The following CDH13 variants were observed in gnomAD, a reference collection of about 807,000 sequenced individuals.
CDH13 encodes the protein cadherin 13.
In CDH13, 24 loss-of-function variants were observed where a neutral mutation model predicts 63.8. The observed-to-expected ratio is 0.38, with a 90% CI of 0.27 to 0.53. CDH13 has a LOEUF of 0.53. CDH13 is among the 20% of genes least tolerant of loss of function. The pLI, the probability that CDH13 is intolerant of heterozygous loss-of-function variation, is 0.85. For synonymous variants in CDH13, 503 were observed against 355.3 expected, an observed-to-expected ratio of 1.42 and a Z score of -4.67; for missense variants, 1,049 against 903.1, an observed-to-expected ratio of 1.16 and a Z score of -2.07.
chr16:82,680,289 A>G (rs1914404078), intron 1 of CDH13, among the ~76,000 whole-genome samples: 1 of 152,172 alleles, frequency 6.6e-6, no homozygotes, highest in South Asian at 2.1e-4. Context: ...TGTTCTAAGT[A>G]CTTTCTGCAT....
chr16:83,600,147 G>T (rs1312300955), intron 7 of CDH13, among the ~76,000 whole-genome samples: 1 of 152,132 alleles, frequency 6.6e-6, no homozygotes, highest in Admixed American at 6.5e-5. Flanking sequence ...GGCAGAACCA[G>T]GGCAGATGGC....
chr16:82,668,587 G>C (rs1401947639), intron 1 of CDH13, among the ~76,000 whole-genome samples: 1 of 152,184 alleles, frequency 6.6e-6, no homozygotes, highest in Non-Finnish European at 1.5e-5. Context: ...GAGATGGTGT[G>C]AACAATGATA....
intron 2 of CDH13, chr16:82,859,799 G>C (rs894053672): frequency 2.0e-5 from 3 of 151,476 alleles, no homozygotes; most frequent in Admixed American, 1.3e-4. Context: ...TCTAAGAGTC[G>C]AAAGGAACAC....
chr16:83,422,093 A>G (rs992394487), intron 6 of CDH13, among the ~76,000 whole-genome samples: 1 of 152,188 alleles, frequency 6.6e-6, no homozygotes, highest in African/African-American at 2.4e-5. Flanking sequence ...AAGTTGGTAG[A>G]TTTTGTGGAT....
intron 4 of CDH13, among the ~76,000 whole-genome samples, chr16:83,160,338 A>C (rs2037393444): frequency 6.6e-6 from 1 of 152,114 alleles, no homozygotes; most frequent in Non-Finnish European, 1.5e-5. Context: ...TATAAACCTG[A>C]AACTGCTCTT....
intron 12 of CDH13, 121 bp downstream of exon 12, chr16:83,780,322 G>T: frequency 1.5e-6 from 1 of 648,114 alleles, no homozygotes; most frequent in Non-Finnish European, 2.6e-6. Context: ...TTAAGTTATT[G>T]GCATATTATA....
intron 8 of CDH13, among the ~76,000 whole-genome samples, chr16:83,654,384 T>A (rs937362149): frequency 6.6e-6 from 1 of 151,928 alleles, no homozygotes; most frequent in Non-Finnish European, 1.5e-5. Context: ...GCCCCTGAAT[T>A]TAACAGAGAA....
chr16:83,142,150 GTTTGTT>G (rs1365286506), intron 4 of CDH13, among the ~76,000 whole-genome samples: 2 of 133,084 alleles, frequency 1.5e-5, no homozygotes, highest in African/African-American at 5.7e-5. Flanking sequence ...ATTTTTGTTT[GTTTGTT>G]TTTGTTTTTT....
intron 3 of CDH13, among the ~76,000 whole-genome samples, chr16:83,033,113 G>A (rs561627294): frequency 6.6e-6 from 1 of 152,124 alleles, no homozygotes; most frequent in South Asian, 2.1e-4. Flanking sequence ...CATACATATG[G>A]TATATGTGCA....
intron 10 of CDH13, among the ~76,000 whole-genome samples, chr16:83,742,616 G>A (rs1912172725): frequency 6.6e-6 from 1 of 152,210 alleles, no homozygotes; most frequent in Admixed American, 6.5e-5. Context: ...TAGCGCGCCT[G>A]GCCGATTGGT....
At chr16:82,933,929 C>T (rs2151298868) in intron 2 of CDH13, among the ~76,000 whole-genome samples, 1 of 152,336 alleles carries the variant, frequency 6.6e-6, no homozygotes, top group Admixed American at 6.5e-5. Context: ...TTGCAGGGTA[C>T]AGCCCTCCTC....
At chr16:83,700,571 T>TA (rs1380408565) in intron 10 of CDH13, among the ~76,000 whole-genome samples, 1 of 152,220 alleles carries the variant, frequency 6.6e-6, no homozygotes, top group African/African-American at 2.4e-5. Flanking sequence ...GGTGAACTGC[T>TA]AAAAAGTTGC....
At chr16:83,545,496 A>G (rs1266674345) in intron 7 of CDH13, among the ~76,000 whole-genome samples, 1 of 152,202 alleles carries the variant, frequency 6.6e-6, no homozygotes, top group African/African-American at 2.4e-5. Context: ...CACTGTCCAG[A>G]GAGGGGAAAG....
intron 1 of CDH13, among the ~76,000 whole-genome samples, chr16:82,739,082 C>T (rs1375308574): frequency 6.6e-6 from 1 of 152,202 alleles, no homozygotes; most frequent in Non-Finnish European, 1.5e-5. Flanking sequence ...GAACTGTGCC[C>T]TGGTTATGAT....
chr16:83,388,876 C>T (rs906238275), intron 6 of CDH13, among the ~76,000 whole-genome samples: 2 of 152,112 alleles, frequency 1.3e-5, no homozygotes, highest in Admixed American at 6.5e-5. Flanking sequence ...CAGAATCTGC[C>T]GTTTAATAAG....
chr16:83,683,841 C>T (rs1172919230), intron 10 of CDH13, among the ~76,000 whole-genome samples: 1 of 152,198 alleles, frequency 6.6e-6, no homozygotes, highest in Non-Finnish European at 1.5e-5. Flanking sequence ...TATTTTCCAT[C>T]ATTTCTAAAT....
intron 7 of CDH13, among the ~76,000 whole-genome samples, chr16:83,514,216 G>A (rs2074645811): frequency 6.6e-6 from 1 of 152,140 alleles, no homozygotes; most frequent in Non-Finnish European, 1.5e-5. Context: ...TTCTGTACTA[G>A]GTTGACTAGG....
At chr16:82,663,728 G>T (rs1337205399) in intron 1 of CDH13, among the ~76,000 whole-genome samples, 1 of 152,160 alleles carries the variant, frequency 6.6e-6, no homozygotes, top group East Asian at 1.9e-4. Context: ...TCTGATTCGT[G>T]TCCATTTGGT....
intron 7 of CDH13, among the ~76,000 whole-genome samples, chr16:83,519,013 A>G (rs1377872319): frequency 6.6e-6 from 1 of 152,194 alleles, no homozygotes; most frequent in Admixed American, 6.5e-5. Context: ...TAACGTAGGC[A>G]CTAGGATTCA....
Sources: allele counts gnomAD v4.1 joint callset (sites outside exome capture counted in the v4.1 genomes callset), GRCh38; gene constraint gnomAD v4.1.1; transcripts MANE v1.5; gene names NCBI Gene and HGNC (gene_info 2026-07-23, HGNC 2026-07-21).